The following KSR2 variants were observed in gnomAD, a reference collection of about 807,000 sequenced individuals.
KSR2 encodes kinase suppressor of ras 2.
In KSR2, 25 loss-of-function variants were observed where a neutral mutation model predicts 107.8. The ratio of observed to expected loss-of-function variants is 0.23; its 90% CI spans 0.17 to 0.32. The LOEUF (loss-of-function observed/expected upper bound fraction) is 0.32, where lower values mean the gene tolerates loss of function less well. Among genes scored for constraint, KSR2 ranks in the 10% least tolerant of loss-of-function variants. KSR2 has a pLI of 1.00. For missense variants in KSR2, 887 were observed against 1,268.9 expected (o/e 0.70, Z 4.57); for synonymous variants, 480 against 507.0 (o/e 0.95, Z 0.71).
At chr12:117,787,862 T>TACACC in intron 3 of KSR2, among the ~76,000 whole-genome samples, 1 of 152,326 alleles carries the variant, frequency 6.6e-6, no homozygotes, top group South Asian at 2.1e-4. Context: ...AGAGATAAAC[T>TACACC]ACACCACACC....
At chr12:117,525,737 T>C (rs1592956170) in intron 13 of KSR2, among the ~76,000 whole-genome samples, 1 of 152,344 alleles carries the variant, frequency 6.6e-6, no homozygotes, top group East Asian at 1.9e-4. Flanking sequence ...TGCATCTGCA[T>C]GTAACACATG....
At chr12:117,579,920 T>A (rs1879541037) in intron 6 of KSR2, among the ~76,000 whole-genome samples, 1 of 152,106 alleles carries the variant, frequency 6.6e-6, no homozygotes, top group Admixed American at 6.5e-5. Context: ...CCTGGGCACA[T>A]CTCCCCTCGA....
intron 5 of KSR2, among the ~76,000 whole-genome samples, chr12:117,629,154 T>TC (rs1163432766): frequency 6.6e-6 from 1 of 152,200 alleles, no homozygotes; most frequent in Non-Finnish European, 1.5e-5. Context: ...CCCATGCGCT[T>TC]CCCAGGTGAG....
At chr12:117,782,640 A>G (rs1889926359) in intron 3 of KSR2, among the ~76,000 whole-genome samples, 1 of 152,156 alleles carries the variant, frequency 6.6e-6, no homozygotes, top group Admixed American at 6.5e-5. Context: ...ACCTCATTGT[A>G]ATTCTCACAG....
At chr12:117,633,125 T>C (rs1166465805) in intron 5 of KSR2, among the ~76,000 whole-genome samples, 1 of 152,228 alleles carries the variant, frequency 6.6e-6, no homozygotes, top group Non-Finnish European at 1.5e-5. Context: ...AGTGATTTGA[T>C]TTATCAAAAG....
chr12:117,791,426 G>A (rs1215820052), intron 3 of KSR2, among the ~76,000 whole-genome samples: 5 of 152,176 alleles, frequency 3.3e-5, no homozygotes, highest in Non-Finnish European at 7.4e-5. Context: ...TGGAATATAA[G>A]CTTCTTAAAA....
chr12:117,710,923 T>C (rs1308121950), intron 4 of KSR2, among the ~76,000 whole-genome samples: 1 of 152,194 alleles, frequency 6.6e-6, no homozygotes, highest in Non-Finnish European at 1.5e-5. Flanking sequence ...CCGTTCCCTC[T>C]GTCTGGAACA....
chr12:117,852,287 G>T (rs935373049), intron 3 of KSR2, among the ~76,000 whole-genome samples: 1 of 151,884 alleles, frequency 6.6e-6, no homozygotes, highest in Non-Finnish European at 1.5e-5. Flanking sequence ...AACTAGCTGG[G>T]CGTGGTGGCA....
intron 3 of KSR2, among the ~76,000 whole-genome samples, chr12:117,762,829 T>C (rs1175188672): frequency 1.3e-5 from 2 of 151,826 alleles, no homozygotes; most frequent in African/African-American, 4.8e-5. Context: ...GATCGCACCA[T>C]TGCACTCCAG....
At chr12:117,491,556 T>C (rs1244090861) in intron 14 of KSR2, among the ~76,000 whole-genome samples, 11 of 152,218 alleles carry the variant, frequency 7.2e-5, no homozygotes, top group African/African-American at 2.7e-4. Flanking sequence ...TCACACACGA[T>C]AGGATTTCCT....
chr12:117,459,835 T>C lies in KSR2; in HGVS notation c.*7364A>G, dbSNP rs970780982. On this transcript the variant is annotated 3_prime_UTR_variant, in exon 20 of 20. Coordinates refer to ENST00000339824, the MANE Select transcript of KSR2 (RefSeq NM_173598.6). Reference sequence around the variant, plus strand: ...CTCATCTCCTAGCAGTGTCTATGAATGCTAGTGGTCAGCTCTTTTCTGTGG... The same window carrying C: ...CTCATCTCCTAGCAGTGTCTATGAACGCTAGTGGTCAGCTCTTTTCTGTGG... The C allele has an allele frequency of 3.9e-5, 6 of 152,220 alleles. No homozygotes were observed. Among genetic ancestry groups the C allele is most frequent in the Non-Finnish European group, 5.9e-5 (4 of 68,038 alleles). The allele number at this position is 152,220 out of a possible 1,614,324, so 9.4% of individuals were successfully genotyped here. A position where few individuals can be genotyped will look rare whatever the true frequency, so the allele number is the denominator to read the frequency against.
chr12:117,576,818 AT>A (rs1456976287), intron 7 of KSR2, among the ~76,000 whole-genome samples: 1 of 150,336 alleles, frequency 6.7e-6, no homozygotes, highest in Admixed American at 6.6e-5. Flanking sequence ...TTTAAATTTT[AT>A]TTATTTGTGT....
intron 1 of KSR2, among the ~76,000 whole-genome samples, chr12:117,867,277 C>T (rs1205867042): frequency 6.6e-6 from 1 of 151,692 alleles, no homozygotes; most frequent in Admixed American, 6.6e-5. Context: ...GTTCATGCCA[C>T]TGCACTACAG....
intron 1 of KSR2, among the ~76,000 whole-genome samples, chr12:117,955,018 A>C (rs77416992): frequency 1.3e-5 from 1 of 79,076 alleles, no homozygotes; most frequent in Non-Finnish European, 2.8e-5. Flanking sequence ...CCCTGTCTCA[A>C]AAAAAAAAAA....
At position 117,579,471 on chromosome 12, in the gene KSR2, C is replaced by T. The variant is rs73407321; in HGVS notation, c.1242-269G>A. Among the ~76,000 whole-genome samples the T allele has an allele frequency of 6.7e-3, 1,027 of 152,186 alleles. 15 individuals are homozygous for T. Among genetic ancestry groups the T allele is most frequent in the African/African-American group, 0.024 (990 of 41,454 alleles). On this transcript the variant is annotated intron_variant, in intron 6 of 19. Coordinates refer to ENST00000339824, the MANE Select transcript of KSR2 (RefSeq NM_173598.6). ...CAAGGGCTTCGTACAGTGGCTGGTACATAGTAAGCACTCGATAAATTGGGT... is the reference window on the plus strand; with the variant it reads ...CAAGGGCTTCGTACAGTGGCTGGTATATAGTAAGCACTCGATAAATTGGGT...
intron 4 of KSR2, among the ~76,000 whole-genome samples, chr12:117,695,365 G>A (rs768589604): frequency 3.3e-5 from 5 of 152,032 alleles, no homozygotes; most frequent in African/African-American, 7.2e-5. Context: ...ACTTAAAAGT[G>A]GTTTAAATAA....
At chr12:117,948,706 C>T (rs945229997) in intron 1 of KSR2, among the ~76,000 whole-genome samples, 9 of 152,184 alleles carry the variant, frequency 5.9e-5, no homozygotes, top group African/African-American at 2.2e-4. Context: ...TTTAAATGCA[C>T]ACACACAAAA....
intron 14 of KSR2, among the ~76,000 whole-genome samples, chr12:117,502,310 T>G (rs1290354746): frequency 3.3e-5 from 5 of 152,258 alleles, no homozygotes; most frequent in African/African-American, 4.8e-5. Context: ...TGTATCTGTA[T>G]GTTTTTTTGT....
intron 4 of KSR2, among the ~76,000 whole-genome samples, chr12:117,731,967 C>T (rs1013541968): frequency 1.3e-5 from 2 of 148,664 alleles, no homozygotes; most frequent in Non-Finnish European, 3.0e-5. Context: ...GCTGACCTTC[C>T]CTCCACTATT....
Sources: gnomAD v4.1 joint callset for allele counts (sites outside exome capture counted in the v4.1 genomes callset) on GRCh38, gnomAD v4.1.1 for gene constraint, MANE v1.5 for transcripts, NCBI Gene and HGNC (gene_info 2026-07-23, HGNC 2026-07-21) for gene names.